The following XPO4 variants were observed in gnomAD, a reference collection of about 807,000 sequenced individuals.
XPO4 encodes the protein exportin 4, also known as exportin-4.
XPO4 carries 39 observed loss-of-function variants against 143.0 expected under a neutral mutation model. The observed-to-expected ratio is 0.27, with a 90% CI of 0.21 to 0.36. The LOEUF is 0.36. Among genes scored for constraint, XPO4 ranks in the 10% least tolerant of loss-of-function variants. The pLI, the probability that XPO4 is intolerant of heterozygous loss-of-function variation, is 1.00. For missense variants in XPO4, 907 were observed against 1,348.0 expected, an observed-to-expected ratio of 0.67 and a Z score of 5.12; for synonymous variants, 439 against 474.0, an observed-to-expected ratio of 0.93 and a Z score of 0.96.
At chr13:20,897,205 A>C (rs2060578101) in intron 1 of XPO4, among the ~76,000 whole-genome samples, 1 of 152,200 alleles carries the variant, frequency 6.6e-6, no homozygotes, top group African/African-American at 2.4e-5. Context: ...CAATTAATTA[A>C]AATTTTCATT....
At chr13:20,884,342 A>C (rs1357270318) in intron 1 of XPO4, among the ~76,000 whole-genome samples, 1 of 152,116 alleles carries the variant, frequency 6.6e-6, no homozygotes, top group Non-Finnish European at 1.5e-5. Context: ...ACACTACTGC[A>C]CTCCAGCCTG....
At chr13:20,855,347 T>C (rs1032260488) in intron 4 of XPO4, among the ~76,000 whole-genome samples, 4 of 151,260 alleles carry the variant, frequency 2.6e-5, no homozygotes, top group African/African-American at 4.9e-5. Flanking sequence ...CCCAGCTACT[T>C]GGGAGGCTGA....
chr13:20,789,312 C>T (rs950193901), intron 19 of XPO4, among the ~76,000 whole-genome samples: 7 of 151,980 alleles, frequency 4.6e-5, no homozygotes, highest in African/African-American at 9.7e-5. Context: ...GGGAAGCACA[C>T]GGTTAGATCC....
chr13:20,790,356 T>C (rs942979013), intron 19 of XPO4, 106 bp downstream of exon 19: 1 of 884,462 alleles, frequency 1.1e-6, no homozygotes, highest in African/African-American at 1.6e-5. Context: ...CATGTGCACT[T>C]AGCAGATACA....
chr13:20,837,379 T>C (rs2059928584), intron 6 of XPO4, among the ~76,000 whole-genome samples: 1 of 152,146 alleles, frequency 6.6e-6, no homozygotes, highest in African/African-American at 2.4e-5. Context: ...TAAAGAGTTA[T>C]GATTTGTTTT....
chr13:20,894,990 C>T (rs898110868), intron 1 of XPO4, among the ~76,000 whole-genome samples: 3 of 152,016 alleles, frequency 2.0e-5, no homozygotes, highest in African/African-American at 7.2e-5. Flanking sequence ...ACAGCCTGGT[C>T]AACATGGTAA....
chr13:20,822,277 T>G lies in XPO4; in HGVS notation c.853A>C (p.Ile285Leu). ...TGTGCCATATCTGAATCTTCTCTGA[T>G]TTTTCGATGTACCTGTTAGAAAGAA... ...MELFFTVHRK[I>L]REDSDMAQDS... Residue 285 changes from isoleucine (I) to leucine (L), a missense_variant, in exon 8 of 23, where the codon ATC becomes CTC. Coordinates refer to ENST00000255305, the MANE Select transcript of XPO4 (RefSeq NM_022459.5). 1 of 1,612,236 alleles carries G rather than the reference T, an allele frequency of 6.2e-7. No homozygotes were observed. The highest frequency in any genetic ancestry group is 8.5e-7 in the Non-Finnish European group (1 of 1,179,162).
At chr13:20,827,027 T>C (rs1283488228) in intron 7 of XPO4, 40 bp downstream of exon 7, 1 of 1,433,202 alleles carries the variant, frequency 7.0e-7, no homozygotes, top group African/African-American at 1.4e-5. Flanking sequence ...TTTCCTCTTT[T>C]CTATGGCTCT....
At chr13:20,844,214 G>C (rs2060007721) in intron 4 of XPO4, among the ~76,000 whole-genome samples, 1 of 152,138 alleles carries the variant, frequency 6.6e-6, no homozygotes, top group Non-Finnish European at 1.5e-5. Context: ...GTATTATTTT[G>C]TTTAATTCGC....
chr13:20,875,124 T>A (rs563049677), intron 1 of XPO4, among the ~76,000 whole-genome samples: 32 of 152,314 alleles, frequency 2.1e-4, no homozygotes, highest in African/African-American at 6.7e-4. Context: ...AAAACATAAA[T>A]ACTGGTAGTC....
At position 20,818,914 on chromosome 13, in the gene XPO4, G is replaced by A. The variant is rs78750891; in HGVS notation, c.1173+2790C>T. ...TGGGTCACTGCAACCTCCGCCTCTC[G>A]GGTTCAAGAGATCCTCCTGCTTCAG... On this transcript the variant is annotated intron_variant, in intron 9 of 22. Transcript: ENST00000255305. 2.1e-3 allele frequency among the ~76,000 whole-genome samples: 312 copies of A among 151,658 alleles called. 1 individual carries two copies. The highest frequency in any genetic ancestry group is 7.2e-3 in the South Asian group (34 of 4,742).
intron 9 of XPO4, among the ~76,000 whole-genome samples, chr13:20,811,382 G>C (rs1033567065): frequency 2.0e-5 from 3 of 151,602 alleles, no homozygotes; most frequent in African/African-American, 4.9e-5. Flanking sequence ...CCGCTTCCTG[G>C]GTTCAAGCGA....
At chr13:20,883,726 T>A (rs1375237139) in intron 1 of XPO4, among the ~76,000 whole-genome samples, 4 of 152,162 alleles carry the variant, frequency 2.6e-5, no homozygotes, top group Admixed American at 2.6e-4. Context: ...AAATTAATGA[T>A]CTTGAATGCA....
intron 13 of XPO4, among the ~76,000 whole-genome samples, chr13:20,805,494 A>G (rs2059492076): frequency 6.6e-6 from 1 of 152,006 alleles, no homozygotes; most frequent in South Asian, 2.1e-4. Context: ...GGGCCTTTGC[A>G]TTCACTGTTT....
intron 22 of XPO4, among the ~76,000 whole-genome samples, chr13:20,786,062 T>A (rs1412901367): frequency 2.6e-5 from 4 of 151,108 alleles, no homozygotes; most frequent in Non-Finnish European, 5.9e-5. Context: ...GTAAGACAAA[T>A]GACAGAGAAA....
rs578151761 is a variant in XPO4 at position 20,838,626 on chromosome 13, A to G, written c.727+4269T>C. Reference sequence around the variant, plus strand: ...CTCCATCTCAAAAAAAAAAAAAAAAAAAAGAAAGAAATTACATTTTGGTCT... The same window carrying G: ...CTCCATCTCAAAAAAAAAAAAAAAAGAAAGAAAGAAATTACATTTTGGTCT... On this transcript the variant is annotated intron_variant, in intron 6 of 22. Coordinates refer to ENST00000255305, the MANE Select transcript of XPO4 (RefSeq NM_022459.5). Among the ~76,000 whole-genome samples, 333 of 151,324 alleles carry G rather than the reference A, an allele frequency of 2.2e-3. 1 individual carries two copies. The highest frequency in any genetic ancestry group is 3.2e-3 in the Non-Finnish European group (218 of 67,822).
chr13:20,856,619 C>A (rs1462540397), intron 3 of XPO4, among the ~76,000 whole-genome samples: 4 of 152,216 alleles, frequency 2.6e-5, no homozygotes, highest in African/African-American at 9.6e-5. Flanking sequence ...CTGGGACAGC[C>A]TCAATTCACC....
At position 20,894,987 on chromosome 13, in the gene XPO4, G is replaced by C. The variant is rs113705226; in HGVS notation, c.69+7683C>G. On this transcript the variant is annotated intron_variant, in intron 1 of 22. Transcript: ENST00000255305. ...GAGGTCAGGAGTTTGAGAACAGCCT[G>C]GTCAACATGGTAAAATACTGTCTCT... is the stretch of plus-strand genomic sequence containing the variant. 2.4e-3 allele frequency among the ~76,000 whole-genome samples: 366 copies of C among 152,222 alleles called. 5 individuals carry two copies. The highest frequency in any genetic ancestry group is 8.2e-3 in the African/African-American group (342 of 41,544).
intron 3 of XPO4, among the ~76,000 whole-genome samples, chr13:20,857,320 T>C (rs963775880): frequency 3.9e-5 from 6 of 152,228 alleles, no homozygotes; most frequent in African/African-American, 4.8e-5. Context: ...GAATAAATAA[T>C]AGCTACCATT....
Sources: allele counts gnomAD v4.1 joint callset (sites outside exome capture counted in the v4.1 genomes callset), GRCh38; gene constraint gnomAD v4.1.1; transcripts MANE v1.5; gene names NCBI Gene and HGNC (gene_info 2026-07-23, HGNC 2026-07-21).